FNDC1: variants seen among roughly 807,000 people sequenced by gnomAD.
FNDC1 encodes the protein fibronectin type III domain containing 1.
FNDC1 carries 96 observed loss-of-function variants against 168.0 expected under a neutral mutation model. That is an observed-to-expected ratio of 0.57 (90% CI 0.48 to 0.68). The LOEUF (loss-of-function observed/expected upper bound fraction) is 0.68. Ranked by LOEUF, FNDC1 falls within the 30% of genes least tolerant of loss-of-function variation. The probability of loss-of-function intolerance (pLI) is 0.00; values close to 1 mark genes in which losing one functional copy is unlikely to be tolerated. For missense variants in FNDC1, 2,587 were observed against 2,482.1 expected (o/e 1.04, Z -0.90); for synonymous variants, 1,099 against 1,025.9 (o/e 1.07, Z -1.36).
chr6:159,198,373 T>C (rs1782296588), intron 2 of FNDC1, among the ~76,000 whole-genome samples: 2 of 152,238 alleles, frequency 1.3e-5, no homozygotes, highest in South Asian at 4.1e-4. Context: ...CTTTAGTGGA[T>C]CATGGGCTCC....
intron 4 of FNDC1, 31 bp downstream of exon 4, chr6:159,200,612 GT>G: frequency 6.6e-7 from 1 of 1,524,042 alleles, no homozygotes; most frequent in Non-Finnish European, 9.0e-7. Context: ...TCAGATTCAT[GT>G]TTTCACTGAA....
At chr6:159,260,011 A>G (rs1382357822) in intron 18 of FNDC1, among the ~76,000 whole-genome samples, 1 of 152,246 alleles carries the variant, frequency 6.6e-6, no homozygotes, top group African/African-American at 2.4e-5. Flanking sequence ...CTGAATAGGA[A>G]TAATTCGCTT....
intron 1 of FNDC1, among the ~76,000 whole-genome samples, chr6:159,174,524 G>A (rs1781724754): frequency 6.6e-6 from 1 of 152,258 alleles, no homozygotes; most frequent in Non-Finnish European, 1.5e-5. Flanking sequence ...CTTAGCTGTC[G>A]CTGCGGCTTT....
chr6:159,221,398 A>T lies in FNDC1; in HGVS notation c.668-200A>T, dbSNP rs566145261. Among the ~76,000 whole-genome samples the T allele has an allele frequency of 2.0e-5, 3 of 152,314 alleles. No individual in the cohort carries two copies. The South Asian group carries it at 6.2e-4, about 32-fold the overall frequency. On this transcript the variant is annotated intron_variant, in intron 5 of 22. Coordinates refer to ENST00000297267, the MANE Select transcript of FNDC1 (RefSeq NM_032532.3). Reference sequence around the variant, plus strand: ...AATCAGTTCCCTATTTTCTAACATAATAGTGTTCTTTTTGAGTTTAATTCC... The same window carrying T: ...AATCAGTTCCCTATTTTCTAACATATTAGTGTTCTTTTTGAGTTTAATTCC...
At position 159,221,685 on chromosome 6, in the gene FNDC1, G is replaced by T. The variant is rs756842140; in HGVS notation, c.755G>T (p.Arg252Leu). 1.9e-6 allele frequency: 3 copies of T among 1,613,448 alleles called. No homozygotes were observed. Among genetic ancestry groups the T allele is most frequent in the Admixed American group, 1.7e-5 (1 of 60,000 alleles). The change falls in exon 6 of 23, where the codon CGA (arginine) becomes CTA (leucine). Residue 252 changes from arginine (R) to leucine (L), a missense_variant. Physicochemically the swap from Arg to Leu is moderately radical, Grantham distance 102. Transcript: ENST00000297267. ...GTCTACAGGGCTGCCCTAACAAAGC[G>T]AAAGATTTCAGGTATGTTTCTAAGG... The part of the protein sequence containing the change: ...QPVYRAALTK[R>L]KISEEDELDV...
At chr6:159,172,416 C>T (rs910112868) in intron 1 of FNDC1, among the ~76,000 whole-genome samples, 14 of 152,328 alleles carry the variant, frequency 9.2e-5, no homozygotes, top group Admixed American at 6.5e-4. Context: ...TTATTGCTTG[C>T]CAATGATAAC....
chr6:159,221,119 G>T (rs540109312), intron 5 of FNDC1, among the ~76,000 whole-genome samples: 1 of 152,358 alleles, frequency 6.6e-6, no homozygotes, highest in East Asian at 1.9e-4. Flanking sequence ...CACAGGGAAA[G>T]AAAGACCTGG....
rs199942836 is a variant in FNDC1, at chr6:159,243,934, AG to A, written c.4622-2966del. 9.9e-3 allele frequency among the ~76,000 whole-genome samples: 1,508 copies of A among 152,288 alleles called. 15 individuals carry two copies. The highest frequency in any genetic ancestry group is 0.017 in the Non-Finnish European group (1,181 of 68,032). On this transcript the variant is annotated intron_variant, in intron 14 of 22. Transcript: ENST00000297267. ...GGAAGTGAACTCATTTGCTGGTAAA[AG>A]CATCATTTCTGTGGCCTGCTGCATG... is the stretch of plus-strand genomic sequence containing the variant.
chr6:159,240,305 C>T (rs1466330314), intron 14 of FNDC1, among the ~76,000 whole-genome samples: 4 of 152,204 alleles, frequency 2.6e-5, no homozygotes, highest in African/African-American at 9.7e-5. Context: ...TTTGGACTAG[C>T]ATTTCCCAAA....
intron 6 of FNDC1, among the ~76,000 whole-genome samples, chr6:159,222,074 C>G (rs1782839313): frequency 6.6e-6 from 1 of 152,120 alleles, no homozygotes; most frequent in Non-Finnish European, 1.5e-5. Context: ...AAGATAAGTA[C>G]ACACATGTTA....
chr6:159,206,327 A>T (rs1782486283), intron 4 of FNDC1, among the ~76,000 whole-genome samples: 1 of 152,278 alleles, frequency 6.6e-6, no homozygotes, highest in Non-Finnish European at 1.5e-5. Context: ...TTACTTTCAC[A>T]GTAGCTTTCT....
In FNDC1 at chr6:159,200,581, G is replaced by A; in HGVS notation, c.460G>A (p.Glu154Lys). Reference protein sequence around the residue: ...GPGPFNETVTEKEVPNKPLRV... With the variant: ...GPGPFNETVTKKEVPNKPLRV... ...AGGACCATTTAATGAAACCGTCACA[G>A]GTACTACTTCCTCCTTCATGTCAGA... Residue 154 changes from glutamate to lysine, a missense_variant and splice_region_variant, in exon 4 of 23, where the codon GAA becomes AAA. By Grantham distance (56) the Glu-to-Lys change is moderately conservative (BLOSUM62 1). Transcript: ENST00000297267. The A allele has an allele frequency of 8.2e-6, 13 of 1,587,334 alleles. No homozygotes were observed. The highest frequency in any genetic ancestry group is 1.1e-5 in the Non-Finnish European group (13 of 1,165,030).
chr6:159,253,376 AC>A (rs1777311144), intron 17 of FNDC1, among the ~76,000 whole-genome samples: 1 of 152,186 alleles, frequency 6.6e-6, no homozygotes, highest in Admixed American at 6.5e-5. Flanking sequence ...CTGCAGAACA[AC>A]GAAGCCAAGT....
chr6:159,221,568 G>C, intron 5 of FNDC1, 30 bp from the exon 6 acceptor site: 1 of 1,566,010 alleles, frequency 6.4e-7, no homozygotes, highest in Non-Finnish European at 8.8e-7. Context: ...ATGGAAGTCA[G>C]AATCTCATCC....
At chr6:159,266,022 T>C (rs1189817592) in intron 20 of FNDC1, 62 bp from the exon 21 acceptor site, 1 of 1,572,076 alleles carries the variant, frequency 6.4e-7, no homozygotes, top group Non-Finnish European at 8.7e-7. Context: ...TTCCTGGCAC[T>C]TTGTGTGAGA....
At chr6:159,180,907 A>G (rs151103458) in intron 1 of FNDC1, among the ~76,000 whole-genome samples, 203 of 152,110 alleles carry the variant, frequency 1.3e-3, no homozygotes, top group African/African-American at 4.2e-3. Context: ...GGTTGATTTC[A>G]TGTCTGCTGT....
rs774648652 is a variant in FNDC1, at chr6:159,233,377, C to T, written c.2865C>T (p.Ser955=). ...CCAAGGCTCAGGATGTTCAACAGAGCACAGACGCGGACACGGAGGGTCATT... is the reference window on the plus strand; with the variant it reads ...CCAAGGCTCAGGATGTTCAACAGAGTACAGACGCGGACACGGAGGGTCATT... The part of the protein sequence containing the change: ...LASKAQDVQQ[S]TDADTEGHSP... Residue 955 remains serine (S), a synonymous_variant, in exon 11 of 23, where the codon AGC becomes AGT. Transcript: ENST00000297267. The surrounding 1 kb of genome is among the most constrained non-coding windows in gnomAD (Gnocchi z 4.6). The T allele has an allele frequency of 2.5e-6, 4 of 1,613,864 alleles. No homozygotes were observed. In the South Asian group the frequency reaches 4.4e-5, roughly 18 times the overall value.
Position 159,233,239 on chromosome 6 carries a change from A to C in FNDC1, c.2727A>C (p.Leu909Phe), listed in dbSNP as rs1306879137. ...CCATCTCCCGGGGCTGGGAGGACTT[A>C]AGGAGAAGCCCGCAGAGAGGGGCCA... ...RQPISRGWED[L>F]RRSPQRGASL... The change falls in exon 11 of 23, where the codon TTA becomes TTC. Residue 909 changes from leucine (L) to phenylalanine (F), a missense_variant. Coordinates refer to ENST00000297267, the MANE Select transcript of FNDC1 (RefSeq NM_032532.3). This position sits in a 1 kb window ranked among gnomAD's most constrained non-coding sequence, Gnocchi z 4.6. 6.2e-7 allele frequency: 1 copy of C among 1,613,880 alleles called. No individual in the cohort carries two copies. Among genetic ancestry groups the C allele is most frequent in the South Asian group, 1.1e-5 (1 of 91,062 alleles).
rs1048918549 is a variant in FNDC1, at chr6:159,265,940, AAAC to A, written c.5285-136_5285-134del. 1.3e-4 allele frequency: 117 copies of A among 893,220 alleles called. No individual in the cohort carries two copies. The African/African-American group carries it at 1.9e-3, about 14-fold the overall frequency. 55.3% of individuals were successfully genotyped at this position (893,220 alleles called of 1,614,324 possible). Reference sequence around the variant, plus strand: ...GAGACTCCATCAAAAACAAACAAACAAACAACAACACAAACAAACAAACAAACA... The same window carrying A: ...GAGACTCCATCAAAAACAAACAAACAAACAACACAAACAAACAAACAAACA... On this transcript the variant is annotated intron_variant, in intron 20 of 22. Transcript: ENST00000297267.
Sources: allele counts gnomAD v4.1 joint callset (sites outside exome capture counted in the v4.1 genomes callset), GRCh38; gene constraint gnomAD v4.1.1; non-coding constraint Gnocchi (gnomAD v3.1); transcripts MANE v1.5; gene names NCBI Gene and HGNC (gene_info 2026-07-23, HGNC 2026-07-21).